BTBD9: variants seen among roughly 807,000 people sequenced by gnomAD.
BTBD9 encodes BTB domain containing 9.
A neutral mutation model predicts 64.3 loss-of-function variants in BTBD9; 49 were observed. The ratio of observed to expected loss-of-function variants is 0.76; its 90% CI spans 0.61 to 0.97. BTBD9 has a LOEUF of 0.97. BTBD9 is among the 50% of genes least tolerant of loss of function. The pLI is 0.00. For synonymous variants in BTBD9, 260 were observed against 274.7 expected (o/e 0.95, Z 0.53); for missense variants, 598 against 762.1 (o/e 0.78, Z 2.53).
At chr6:38,553,545 C>A (rs1435116239) in intron 6 of BTBD9, among the ~76,000 whole-genome samples, 1 of 152,076 alleles carries the variant, frequency 6.6e-6, no homozygotes, top group Non-Finnish European at 1.5e-5. Context: ...TCTAAAAGAT[C>A]AAGAGCAAAA....
intron 9 of BTBD9, among the ~76,000 whole-genome samples, chr6:38,204,158 C>T (rs1361692713): frequency 6.6e-6 from 1 of 152,120 alleles, no homozygotes; most frequent in Non-Finnish European, 1.5e-5. Context: ...TGGAAAACAA[C>T]CTGGCAGTTC....
chr6:38,611,103 C>A (rs1381254217), intron 1 of BTBD9, among the ~76,000 whole-genome samples: 1 of 152,040 alleles, frequency 6.6e-6, no homozygotes, highest in Non-Finnish European at 1.5e-5. Context: ...ATACGGAATA[C>A]ATGTGAGGAT....
At chr6:38,292,109 T>A (rs541379711) in intron 7 of BTBD9, among the ~76,000 whole-genome samples, 1 of 151,736 alleles carries the variant, frequency 6.6e-6, no homozygotes, top group East Asian at 1.9e-4. Context: ...TTACAGGCGG[T>A]TGCCACCACA....
intron 6 of BTBD9, among the ~76,000 whole-genome samples, chr6:38,577,221 T>C (rs1387664268): frequency 6.6e-6 from 1 of 152,238 alleles, no homozygotes; most frequent in Non-Finnish European, 1.5e-5. Context: ...GAAATATTTC[T>C]CATGGCTTTC....
intron 5 of BTBD9, 135 bp downstream of exon 5, chr6:38,580,083 C>G (rs1351880386): frequency 4.9e-6 from 4 of 820,622 alleles, no homozygotes; most frequent in Non-Finnish European, 7.4e-6. Flanking sequence ...ACTCCTTCCC[C>G]AAAACCAACC....
At chr6:38,290,044 T>C (rs1160248972) in intron 7 of BTBD9, among the ~76,000 whole-genome samples, 1 of 151,806 alleles carries the variant, frequency 6.6e-6, no homozygotes, top group East Asian at 1.9e-4. Flanking sequence ...ATATATCTTC[T>C]ATGCAACTCA....
chr6:38,312,218 G>A (rs1048004164), intron 7 of BTBD9, among the ~76,000 whole-genome samples: 5 of 152,108 alleles, frequency 3.3e-5, no homozygotes, highest in South Asian at 2.1e-4. Flanking sequence ...CTTGAGAAAT[G>A]TCTATTCAGA....
intron 10 of BTBD9, among the ~76,000 whole-genome samples, 176 bp downstream of exon 10, chr6:38,192,343 T>G (rs138102539): frequency 6.6e-6 from 1 of 152,142 alleles, no homozygotes; most frequent in Non-Finnish European, 1.5e-5. Flanking sequence ...AATGAAGAGA[T>G]ATCCAAAAAT....
chr6:38,192,613 A>G lies in BTBD9; in HGVS notation c.1563-16T>C, dbSNP rs1366257960. 6.2e-7 allele frequency: 1 copy of G among 1,611,136 alleles called. No homozygotes were observed. The highest frequency in any genetic ancestry group is 8.5e-7 in the Non-Finnish European group (1 of 1,177,806). On this transcript the variant is annotated splice_polypyrimidine_tract_variant and intron_variant, in intron 9 of 10. Transcript: ENST00000481247. ...CTGCCAGGACCTGTGAGAGGAAACA[A>G]CCATTTGCCTGATTAGATGGTGCAG...
Position 38,597,959 on chromosome 6 carries a change from G to T in BTBD9, c.136C>A (p.Arg46Ser). 6.2e-7 allele frequency: 1 copy of T among 1,613,908 alleles called. No homozygotes were observed. The highest frequency in any genetic ancestry group is 8.5e-7 in the Non-Finnish European group (1 of 1,179,880). Residue 46 changes from arginine to serine, a missense_variant, in exon 2 of 11, where the codon CGT becomes AGT. Transcript: ENST00000481247. ...AAAATTACCCTGTGGGCAGGAAAAC[G>T]TTTCTTTTCCACCACGAATGTGACG... ...GDVTFVVEKKRFPAHRVILAA... is the reference protein window; with the variant it reads ...GDVTFVVEKKSFPAHRVILAA...
chr6:38,555,308 A>G (rs1184211583), intron 6 of BTBD9, among the ~76,000 whole-genome samples: 1 of 152,370 alleles, frequency 6.6e-6, no homozygotes, highest in African/African-American at 2.4e-5. Flanking sequence ...ACACAGACAC[A>G]TAAAGACAAG....
intron 6 of BTBD9, among the ~76,000 whole-genome samples, chr6:38,501,405 C>G (rs1035205334): frequency 2.0e-5 from 3 of 152,214 alleles, no homozygotes; most frequent in Non-Finnish European, 2.9e-5. Flanking sequence ...TGGTCCCAAG[C>G]ATTTCAGATA....
intron 2 of BTBD9, among the ~76,000 whole-genome samples, chr6:38,596,617 G>A (rs538059860): frequency 6.6e-6 from 1 of 151,980 alleles, no homozygotes; most frequent in Non-Finnish European, 1.5e-5. Flanking sequence ...TGGCTAACAC[G>A]GTGAAACCCC....
intron 9 of BTBD9, among the ~76,000 whole-genome samples, chr6:38,226,888 C>A (rs1285082758): frequency 3.9e-5 from 6 of 152,234 alleles, no homozygotes; most frequent in Non-Finnish European, 8.8e-5. Context: ...GACATGAAAA[C>A]CACTGCTGCG....
intron 1 of BTBD9, among the ~76,000 whole-genome samples, chr6:38,604,763 A>G (rs1254715071): frequency 6.6e-6 from 1 of 152,236 alleles, no homozygotes; most frequent in African/African-American, 2.4e-5. Flanking sequence ...TTAATATTCA[A>G]ATAATTGGCT....
chr6:38,398,655 G>C (rs148376391), intron 6 of BTBD9, among the ~76,000 whole-genome samples: 23 of 152,218 alleles, frequency 1.5e-4, no homozygotes, highest in African/African-American at 5.5e-4. Context: ...GTCCAGAAAA[G>C]AAGGAAACCC....
chr6:38,226,829 T>C (rs1384601443), intron 9 of BTBD9, among the ~76,000 whole-genome samples: 2 of 152,200 alleles, frequency 1.3e-5, no homozygotes, highest in Non-Finnish European at 2.9e-5. Context: ...TGTGGTACCA[T>C]GGGGATCCAA....
intron 7 of BTBD9, among the ~76,000 whole-genome samples, chr6:38,310,829 G>C (rs765810986): frequency 1.5e-5 from 2 of 132,156 alleles, no homozygotes; most frequent in Non-Finnish European, 3.4e-5. Context: ...TTTGTTTTTT[G>C]AGACGAAGTC....
At chr6:38,472,508 T>C in intron 6 of BTBD9, among the ~76,000 whole-genome samples, 1 of 152,080 alleles carries the variant, frequency 6.6e-6, no homozygotes, top group East Asian at 1.9e-4. Flanking sequence ...AGCAAGACGA[T>C]TCCTTGGTCT....
Sources: allele counts gnomAD v4.1 joint callset (sites outside exome capture counted in the v4.1 genomes callset), GRCh38; gene constraint gnomAD v4.1.1; transcripts MANE v1.5; gene names NCBI Gene and HGNC (gene_info 2026-07-23, HGNC 2026-07-21).